The following ANKS1B variants were observed in gnomAD, a reference collection of about 807,000 sequenced individuals.
ANKS1B encodes the protein ankyrin repeat and sterile alpha motif domain-containing protein 1B.
ANKS1B carries 36 observed loss-of-function variants against 148.3 expected under a neutral mutation model. That is an observed-to-expected ratio of 0.24 (90% CI 0.19 to 0.32). The LOEUF is 0.32. Ranked by LOEUF, ANKS1B falls within the 10% of genes least tolerant of loss-of-function variation. The pLI, the probability that ANKS1B is intolerant of heterozygous loss-of-function variation, is 1.00. For synonymous variants in ANKS1B, 542 were observed against 560.8 expected (o/e 0.97, Z 0.47); for missense variants, 1,157 against 1,542.6 (o/e 0.75, Z 4.19).
At chr12:99,944,186 T>C (rs827794) in intron 1 of ANKS1B, among the ~76,000 whole-genome samples, 144,123 of 152,276 alleles carry the variant, frequency 0.95, 68,265 homozygotes, top group East Asian at 1. Flanking sequence ...GCTCCAGAAT[T>C]AAGTGAGAGG....
chr12:99,539,485 C>G (rs1567305792), intron 9 of ANKS1B, among the ~76,000 whole-genome samples: 2 of 151,584 alleles, frequency 1.3e-5, no homozygotes, highest in Non-Finnish European at 2.9e-5. Flanking sequence ...AAAAATAACT[C>G]TTAAAAATAT....
chr12:99,674,097 T>A (rs1012609935), intron 8 of ANKS1B, among the ~76,000 whole-genome samples: 1 of 151,746 alleles, frequency 6.6e-6, no homozygotes, highest in African/African-American at 2.4e-5. Flanking sequence ...AAACTAATTA[T>A]GAAATAAAGA....
At chr12:99,561,809 CTGTTAA>C (rs1389978654) in intron 9 of ANKS1B, among the ~76,000 whole-genome samples, 4 of 152,118 alleles carry the variant, frequency 2.6e-5, no homozygotes, top group Non-Finnish European at 4.4e-5. Flanking sequence ...GTCTAAACTC[CTGTTAA>C]TGTTAATGTT....
At chr12:99,534,132 A>G (rs1263741333) in intron 9 of ANKS1B, among the ~76,000 whole-genome samples, 1 of 152,232 alleles carries the variant, frequency 6.6e-6, no homozygotes, top group African/African-American at 2.4e-5. Flanking sequence ...AATATTGACA[A>G]ATAATATCAT....
chr12:99,388,783 A>C (rs1291793108), intron 12 of ANKS1B, among the ~76,000 whole-genome samples: 2 of 152,192 alleles, frequency 1.3e-5, no homozygotes, highest in African/African-American at 4.8e-5. Flanking sequence ...TGCAGAGCTC[A>C]TGTGGTTTAT....
chr12:99,168,123 G>C (rs73373859), intron 14 of ANKS1B, among the ~76,000 whole-genome samples: 25 of 152,346 alleles, frequency 1.6e-4, no homozygotes, highest in African/African-American at 6.0e-4. Context: ...TGATTGTGGT[G>C]ATGGTTTCAC....
At chr12:99,931,191 T>C (rs1406255327) in intron 1 of ANKS1B, among the ~76,000 whole-genome samples, 1 of 150,276 alleles carries the variant, frequency 6.7e-6, no homozygotes, top group Admixed American at 6.6e-5. Flanking sequence ...GGGACTGTTG[T>C]GGGGTCGGGG....
At chr12:99,298,639 C>A (rs2081214782) in intron 12 of ANKS1B, among the ~76,000 whole-genome samples, 1 of 152,120 alleles carries the variant, frequency 6.6e-6, no homozygotes, top group South Asian at 2.1e-4. Flanking sequence ...GAGGTAGGGA[C>A]TTTTATTTTC....
intron 12 of ANKS1B, among the ~76,000 whole-genome samples, chr12:99,282,250 C>T (rs972198546): frequency 3.3e-5 from 5 of 152,064 alleles, no homozygotes; most frequent in Admixed American, 1.3e-4. Context: ...ATAGCAGGTG[C>T]GAAGTCCCTG....
intron 9 of ANKS1B, among the ~76,000 whole-genome samples, chr12:99,627,020 A>G (rs1268959801): frequency 1.3e-5 from 2 of 152,146 alleles, no homozygotes; most frequent in Non-Finnish European, 2.9e-5. Context: ...TTCCCTTATA[A>G]TCCCTGATAA....
chr12:99,952,742 T>C (rs974437622), intron 1 of ANKS1B, among the ~76,000 whole-genome samples: 27 of 152,224 alleles, frequency 1.8e-4, no homozygotes, highest in African/African-American at 6.3e-4. Flanking sequence ...ATCTCATCAA[T>C]GTCTTTTCTA....
intron 14 of ANKS1B, chr12:99,155,003 G>C: frequency 6.5e-7 from 1 of 1,535,348 alleles, no homozygotes; most frequent in Non-Finnish European, 8.7e-7. Flanking sequence ...GATGAGAGCA[G>C]TCAAAACAAA....
chr12:99,415,082 A>G (rs922954599), intron 11 of ANKS1B, among the ~76,000 whole-genome samples: 2 of 152,194 alleles, frequency 1.3e-5, no homozygotes, highest in Non-Finnish European at 2.9e-5. Context: ...GGTCAAAAGT[A>G]GTTTTGGACT....
chr12:99,931,434 TC>T (rs2094612086), intron 1 of ANKS1B, among the ~76,000 whole-genome samples: 1 of 152,126 alleles, frequency 6.6e-6, no homozygotes, highest in Non-Finnish European at 1.5e-5. Flanking sequence ...TCACAAATAT[TC>T]CTCTACGCAG....
At chr12:99,957,443 C>T (rs991044130) in intron 1 of ANKS1B, among the ~76,000 whole-genome samples, 2 of 152,208 alleles carry the variant, frequency 1.3e-5, no homozygotes, top group Non-Finnish European at 1.5e-5. Context: ...CTCTGGAATC[C>T]ATAGTGAAAA....
intron 17 of ANKS1B, among the ~76,000 whole-genome samples, chr12:98,832,623 TC>T (rs898070841): frequency 6.6e-6 from 1 of 152,050 alleles, no homozygotes; most frequent in Admixed American, 6.6e-5. Flanking sequence ...ATGCCCCCTC[TC>T]CCCTCTGAGA....
chr12:98,824,525 T>C (rs2099231190), intron 19 of ANKS1B, among the ~76,000 whole-genome samples: 1 of 152,218 alleles, frequency 6.6e-6, no homozygotes, highest in Non-Finnish European at 1.5e-5. Context: ...TATGCTTTCA[T>C]ATAAATTATC....
intron 9 of ANKS1B, chr12:99,648,482 C>T: frequency 6.2e-7 from 1 of 1,614,124 alleles, no homozygotes; most frequent in Non-Finnish European, 8.5e-7. Context: ...TGTGGTCCTG[C>T]CACCCAGAAA....
chr12:99,492,197 C>G (rs1358106299), intron 10 of ANKS1B, among the ~76,000 whole-genome samples: 1 of 152,082 alleles, frequency 6.6e-6, no homozygotes, highest in Non-Finnish European at 1.5e-5. Context: ...TAAATAAACA[C>G]AATCAGACAT....
Sources: gnomAD v4.1 joint callset for allele counts (sites outside exome capture counted in the v4.1 genomes callset) on GRCh38, gnomAD v4.1.1 for gene constraint, MANE v1.5 for transcripts, NCBI Gene and HGNC (gene_info 2026-07-23, HGNC 2026-07-21) for gene names.